HNRNPC: variants seen among roughly 807,000 people sequenced by gnomAD.
The protein encoded by HNRNPC is heterogeneous nuclear ribonucleoproteins C1/C2.
In HNRNPC, 3 loss-of-function variants were observed where a neutral mutation model predicts 33.2. That is an observed-to-expected ratio of 0.09 (90% CI 0.04 to 0.23). The LOEUF (loss-of-function observed/expected upper bound fraction) is 0.23. Among genes scored for constraint, HNRNPC ranks in the 10% least tolerant of loss-of-function variants. The pLI, the probability that HNRNPC is intolerant of heterozygous loss-of-function variation, is 1.00. For missense variants in HNRNPC, 143 were observed against 366.7 expected, an observed-to-expected ratio of 0.39 and a Z score of 4.98; for synonymous variants, 121 against 126.7, an observed-to-expected ratio of 0.96 and a Z score of 0.30.
At chr14:21,246,331 T>C (rs1895976246) in intron 2 of HNRNPC, among the ~76,000 whole-genome samples, 1 of 152,074 alleles carries the variant, frequency 6.6e-6, no homozygotes, top group African/African-American at 2.4e-5. Flanking sequence ...AGGCCGAGGC[T>C]GGTGGATCAC....
chr14:21,228,901 A>G (rs540976630), intron 5 of HNRNPC, among the ~76,000 whole-genome samples: 1 of 150,670 alleles, frequency 6.6e-6, no homozygotes, highest in South Asian at 2.1e-4. Flanking sequence ...CCTGGCCAAC[A>G]TGGTGAAACC....
At chr14:21,254,922 C>CAA (rs11451334) in intron 2 of HNRNPC, among the ~76,000 whole-genome samples, 1,421 of 102,206 alleles carry the variant, frequency 0.014, 24 homozygotes, top group African/African-American at 0.044. Context: ...ACTCTAGTCT[C>CAA]AAAAAAAAAA....
At chr14:21,216,067 C>A (rs1230599582) in intron 5 of HNRNPC, among the ~76,000 whole-genome samples, 1 of 147,880 alleles carries the variant, frequency 6.8e-6, no homozygotes, top group Non-Finnish European at 1.5e-5. Context: ...TTGCAGACAG[C>A]CATTGCACTC....
intron 5 of HNRNPC, among the ~76,000 whole-genome samples, chr14:21,226,895 AGGGGG>A (rs71313496): frequency 1.9e-4 from 20 of 106,652 alleles, no homozygotes; most frequent in African/African-American, 3.7e-4. Context: ...AAAAAAAAAA[AGGGGG>A]GGGGGGGACA....
chr14:21,240,549 A>C (rs1028507769), intron 2 of HNRNPC, among the ~76,000 whole-genome samples: 3 of 152,168 alleles, frequency 2.0e-5, no homozygotes, highest in Admixed American at 2.0e-4. Flanking sequence ...AGGTTGTGAG[A>C]GCCCTGGAAT....
At chr14:21,251,094 T>C (rs1896604113) in intron 2 of HNRNPC, among the ~76,000 whole-genome samples, 3 of 151,656 alleles carry the variant, frequency 2.0e-5, no homozygotes, top group Admixed American at 2.0e-4. Flanking sequence ...ACCCCATCTC[T>C]ACTGAAAACA....
intron 5 of HNRNPC, among the ~76,000 whole-genome samples, chr14:21,226,817 T>C (rs1893493258): frequency 7.3e-6 from 1 of 137,002 alleles, no homozygotes; most frequent in African/African-American, 2.8e-5. Flanking sequence ...GAGGCAGAGG[T>C]TGCAGTAAGC....
At chr14:21,268,150 A>G (rs1228722789) in intron 1 of HNRNPC, among the ~76,000 whole-genome samples, 1 of 152,240 alleles carries the variant, frequency 6.6e-6, no homozygotes, top group Non-Finnish European at 1.5e-5. Flanking sequence ...AGATAAGTCA[A>G]TGTGACACTA....
At chr14:21,260,519 T>A (rs186735319) in intron 2 of HNRNPC, among the ~76,000 whole-genome samples, 117 of 152,158 alleles carry the variant, frequency 7.7e-4, no homozygotes, top group Admixed American at 2.9e-3. Context: ...TTTCTTTTTT[T>A]AAAAAGAGAT....
intron 5 of HNRNPC, among the ~76,000 whole-genome samples, chr14:21,215,493 C>A (rs1254455016): frequency 6.6e-6 from 1 of 152,160 alleles, no homozygotes; most frequent in Admixed American, 6.5e-5. Context: ...AAGGACTAAA[C>A]CCTAGGAGAA....
intron 5 of HNRNPC, among the ~76,000 whole-genome samples, chr14:21,230,032 A>G (rs780491050): frequency 2.0e-5 from 3 of 152,176 alleles, no homozygotes; most frequent in Non-Finnish European, 4.4e-5. Flanking sequence ...TCTGTTACCC[A>G]AAGCCACCCA....
At chr14:21,267,220 TAA>T (rs573982835) in intron 1 of HNRNPC, among the ~76,000 whole-genome samples, 2 of 151,630 alleles carry the variant, frequency 1.3e-5, no homozygotes, top group Non-Finnish European at 2.9e-5. Context: ...AAATAGGTTT[TAA>T]AAAAAAGTCT....
chr14:21,228,289 T>G (rs1893701289), intron 5 of HNRNPC, among the ~76,000 whole-genome samples: 1 of 152,332 alleles, frequency 6.6e-6, no homozygotes, highest in East Asian at 1.9e-4. Context: ...ATTACCAAGG[T>G]CTGATTGCAA....
intron 3 of HNRNPC, among the ~76,000 whole-genome samples, chr14:21,232,317 T>A (rs1034340807): frequency 6.6e-6 from 1 of 152,178 alleles, no homozygotes; most frequent in Admixed American, 6.5e-5. Context: ...ATGAGCTTCA[T>A]TTTAATATAC....
At chr14:21,259,882 C>CAA (rs5807071) in intron 2 of HNRNPC, among the ~76,000 whole-genome samples, 19,509 of 132,228 alleles carry the variant, frequency 0.15, 1,644 homozygotes, top group Admixed American at 0.22. Flanking sequence ...CTGTCTCCAC[C>CAA]AAAAAAAAAA....
At chr14:21,249,420 CAA>C (rs11360295) in intron 2 of HNRNPC, among the ~76,000 whole-genome samples, 3,276 of 110,106 alleles carry the variant, frequency 0.03, 74 homozygotes, top group Middle Eastern at 0.11. Context: ...ACTAAAAATA[CAA>C]AAAAAAAAAA....
intron 5 of HNRNPC, among the ~76,000 whole-genome samples, chr14:21,213,634 G>A (rs1891856160): frequency 6.6e-6 from 1 of 152,128 alleles, no homozygotes; most frequent in Non-Finnish European, 1.5e-5. Context: ...GTGATATAAG[G>A]TTGAACCATA....
At chr14:21,227,387 G>A (rs534135599) in intron 5 of HNRNPC, among the ~76,000 whole-genome samples, 76 of 152,216 alleles carry the variant, frequency 5.0e-4, no homozygotes, top group African/African-American at 1.8e-3. Flanking sequence ...TTACCTAGTT[G>A]CTCCACTAGT....
intron 3 of HNRNPC, among the ~76,000 whole-genome samples, chr14:21,232,981 T>C (rs186925717): frequency 1.3e-5 from 2 of 151,768 alleles, no homozygotes; most frequent in East Asian, 3.9e-4. Flanking sequence ...AGGTTACAAT[T>C]AGCCAAGACT....
Sources: gnomAD v4.1 joint callset for allele counts (sites outside exome capture counted in the v4.1 genomes callset) on GRCh38, gnomAD v4.1.1 for gene constraint, MANE v1.5 for transcripts, NCBI Gene and HGNC (gene_info 2026-07-23, HGNC 2026-07-21) for gene names.